COL6A5: variants seen among roughly 807,000 people sequenced by gnomAD.
The protein encoded by COL6A5 is collagen type VI alpha 5 chain.
A neutral mutation model predicts 65.6 loss-of-function variants in COL6A5; 48 were observed. The ratio of observed to expected loss-of-function variants is 0.73; its 90% CI spans 0.58 to 0.93. COL6A5 has a LOEUF of 0.93. Ranked by LOEUF, COL6A5 falls within the 40% of genes least tolerant of loss-of-function variation. The pLI, the probability that COL6A5 is intolerant of heterozygous loss-of-function variation, is 0.00. For missense variants in COL6A5, 914 were observed against 928.3 expected (o/e 0.98, Z 0.20); for synonymous variants, 291 against 322.8 (o/e 0.90, Z 1.05).
chr3:130,428,271 C>T (rs968379262), upstream of COL6A5, among the ~76,000 whole-genome samples: 3 of 152,144 alleles, frequency 2.0e-5, no homozygotes, highest in African/African-American at 7.2e-5. Context: ...GCCGTTAGAG[C>T]TGATCTAAAT....
intron 29 of COL6A5, 104 bp from the exon 30 acceptor site, chr3:130,426,110 G>T: frequency 9.5e-7 from 1 of 1,051,722 alleles, no homozygotes; most frequent in South Asian, 1.5e-5. Flanking sequence ...TCTACCAGCT[G>T]TGCTTTTAAG....
chr3:130,447,014 G>A (rs976921023), intron 4 of COL6A5, among the ~76,000 whole-genome samples: 2 of 152,092 alleles, frequency 1.3e-5, no homozygotes, highest in Non-Finnish European at 2.9e-5. Flanking sequence ...TTTAAAGTGC[G>A]ATTGGCCCGT....
chr3:130,353,608 G>A (rs1934800960), intron 1 of COL6A5, among the ~76,000 whole-genome samples: 1 of 151,230 alleles, frequency 6.6e-6, no homozygotes, highest in Admixed American at 6.6e-5. Flanking sequence ...ATGGCTTTGG[G>A]AAAAAAATCA....
chr3:130,396,933 G>A (rs1398854848), intron 8 of COL6A5, among the ~76,000 whole-genome samples: 1 of 152,156 alleles, frequency 6.6e-6, no homozygotes, highest in Non-Finnish European at 1.5e-5. Flanking sequence ...CACGATCTCG[G>A]CTCACTGCAA....
chr3:130,374,561 C>T (rs574797978), intron 2 of COL6A5, among the ~76,000 whole-genome samples: 16 of 152,138 alleles, frequency 1.1e-4, no homozygotes, highest in Non-Finnish European at 2.1e-4. Flanking sequence ...TCAAGCAATC[C>T]TTCTGCCTCA....
intron 1 of COL6A5, among the ~76,000 whole-genome samples, chr3:130,432,348 A>G (rs1173915617): frequency 2.0e-5 from 3 of 152,076 alleles, no homozygotes; most frequent in Non-Finnish European, 2.9e-5. Context: ...AGGTCAGGAG[A>G]TCGAGACCAT....
chr3:130,395,546 A>G, intron 8 of COL6A5, 81 bp downstream of exon 8: 5 of 1,002,000 alleles, frequency 5.0e-6, no homozygotes, highest in Non-Finnish European at 7.4e-6. Context: ...GGCTAGCTCT[A>G]GCAGAGCATA....
chr3:130,440,709 T>C, exon 3 of COL6A5: 1 of 1,613,506 alleles, frequency 6.2e-7, no homozygotes, highest in Non-Finnish European at 8.5e-7. Flanking sequence ...AAGGATGACA[T>C]GGAGGAGTTA....
chr3:130,468,322 C>G (rs1465714132), intron 5 of COL6A5, among the ~76,000 whole-genome samples: 2 of 151,996 alleles, frequency 1.3e-5, no homozygotes, highest in Non-Finnish European at 2.9e-5. Context: ...TGACATTGCT[C>G]TATGGTGCAT....
intron 5 of COL6A5, among the ~76,000 whole-genome samples, chr3:130,467,782 T>C (rs1709852251): frequency 6.6e-6 from 1 of 151,060 alleles, no homozygotes; most frequent in African/African-American, 2.4e-5. Context: ...TGAGAATTAA[T>C]GTAAAAGTAT....
intron 13 of COL6A5, 122 bp downstream of exon 13, chr3:130,403,784 T>G: frequency 3.4e-6 from 2 of 594,974 alleles, no homozygotes; most frequent in South Asian, 4.7e-5. Flanking sequence ...ACAAAAGGGG[T>G]AGATGGGGTT....
intron 1 of COL6A5, among the ~76,000 whole-genome samples, chr3:130,436,541 C>T (rs975875997): frequency 6.6e-6 from 1 of 152,132 alleles, no homozygotes; most frequent in African/African-American, 2.4e-5. Context: ...ATTCCTACTA[C>T]TCTCCTGATA....
chr3:130,425,662 G>C (rs945140127), intron 29 of COL6A5, among the ~76,000 whole-genome samples: 20 of 152,230 alleles, frequency 1.3e-4, no homozygotes, highest in Middle Eastern at 3.4e-3. Flanking sequence ...TTATGAGCTT[G>C]TTGTAATGAT....
chr3:130,409,912 C>A, intron 18 of COL6A5, 97 bp from the exon 19 acceptor site: 2 of 815,278 alleles, frequency 2.5e-6, no homozygotes, highest in Non-Finnish European at 3.9e-6. Flanking sequence ...CCTCTTATAG[C>A]TTGACCCAAA....
rs546827437 is a variant in COL6A5 at position 130,362,062 on chromosome 3, T to G, written c.-28-11549T>G. Among the ~76,000 whole-genome samples the G allele has an allele frequency of 1.6e-4, 25 of 152,126 alleles. No individual in the cohort carries two copies. The East Asian group carries it at 4.6e-3, about 28-fold the overall frequency. ...ATAAAGCATGACATTTTAATGTTAA[T>G]GAAGTACAGTTCATTAATTATTTTT... On this transcript the variant is annotated intron_variant and NMD_transcript_variant, in intron 1 of 41. Transcript: ENST00000312481.
At chr3:130,373,241 G>A (rs1356474944) in intron 1 of COL6A5, among the ~76,000 whole-genome samples, 1 of 152,184 alleles carries the variant, frequency 6.6e-6, no homozygotes, top group African/African-American at 2.4e-5. Context: ...GAGGTTAGGT[G>A]ATGCAATTGC....
chr3:130,362,316 ATATATATATATTTT>A (rs1455869752), intron 1 of COL6A5, among the ~76,000 whole-genome samples: 201 of 16,396 alleles, frequency 0.012, 6 homozygotes, highest in East Asian at 0.087. Context: ...ATATATATAT[ATATATATATATTTT>A]TTTTTTTTTT....
Position 130,360,997 on chromosome 3 carries a change from GC to G in COL6A5, c.-28-12608del, listed in dbSNP as rs564479077. Among the ~76,000 whole-genome samples, 8 of 151,806 alleles carry G rather than the reference GC, an allele frequency of 5.3e-5. No homozygotes were observed. The East Asian group carries it at 1.6e-3, about 29-fold the overall frequency. On this transcript the variant is annotated intron_variant and NMD_transcript_variant, in intron 1 of 41. Transcript: ENST00000312481. The stretch of plus-strand genomic sequence containing the variant: ...AGCAACAAGTACAAAGTTCCTATAT[GC>G]CCCCCTACCCTAAACACATGAGGCC...
Position 130,431,967 on chromosome 3 carries a change from C to G in COL6A5, c.487+18C>G. 2 of 1,544,852 alleles carry G rather than the reference C, an allele frequency of 1.3e-6. No homozygotes were observed. Among genetic ancestry groups the G allele is most frequent in the Non-Finnish European group, 1.8e-6 (2 of 1,142,662 alleles). ...CTTTTGGGGTAAGAATTTCTCTTGGCAACTTCTTTAATTTTAAGATAGAGG... is the reference window on the plus strand; with the variant it reads ...CTTTTGGGGTAAGAATTTCTCTTGGGAACTTCTTTAATTTTAAGATAGAGG... On this transcript the variant is annotated intron_variant, in intron 1 of 7. Transcript: ENST00000512836.
Sources: allele counts gnomAD v4.1 joint callset (sites outside exome capture counted in the v4.1 genomes callset), GRCh38; gene constraint gnomAD v4.1.1; transcripts MANE v1.5; gene names NCBI Gene and HGNC (gene_info 2026-07-23, HGNC 2026-07-21).